ASXL3: variants seen among roughly 807,000 people sequenced by gnomAD.
ASXL3 encodes ASXL transcriptional regulator 3, also known as putative Polycomb group protein ASXL3.
A neutral mutation model predicts 170.6 loss-of-function variants in ASXL3; 34 were observed. That is an observed-to-expected ratio of 0.20 (90% CI 0.15 to 0.27). The LOEUF (loss-of-function observed/expected upper bound fraction) is 0.27. Ranked by LOEUF, ASXL3 falls within the 10% of genes least tolerant of loss-of-function variation. The probability of loss-of-function intolerance (pLI) is 1.00; values close to 1 mark genes in which losing one functional copy is unlikely to be tolerated. For synonymous variants in ASXL3, 1,002 were observed against 989.1 expected, an observed-to-expected ratio of 1.01 and a Z score of -0.24; for missense variants, 2,592 against 2,695.3, an observed-to-expected ratio of 0.96 and a Z score of 0.85.
At chr18:33,723,422 G>A (rs946407046) in intron 8 of ASXL3, among the ~76,000 whole-genome samples, 1 of 152,186 alleles carries the variant, frequency 6.6e-6, no homozygotes, top group Admixed American at 6.5e-5. Flanking sequence ...AGGAGTTCAA[G>A]ACTTCAGTGG....
At chr18:33,741,809 C>CTACTT (rs1411500328) in intron 11 of ASXL3, among the ~76,000 whole-genome samples, 2 of 152,200 alleles carry the variant, frequency 1.3e-5, no homozygotes, top group South Asian at 2.1e-4. Flanking sequence ...CCAAGGCAAA[C>CTACTT]TACTTTACCT....
At position 33,590,111 on chromosome 18, in the gene ASXL3, G is replaced by GTTTTTTTTTTTTTTTTTTTTTTTTT. The variant is rs567969303; in HGVS notation, c.54+11445_54+11446insTTTTTTTTTTTTTTTTTTTTTTTTT. 7.9e-4 allele frequency among the ~76,000 whole-genome samples: 66 copies of GTTTTTTTTTTTTTTTTTTTTTTTTT among 83,170 alleles called. 2 individuals carry two copies. The highest frequency in any genetic ancestry group is 2.8e-3 in the African/African-American group (40 of 14,544). The allele number at this position is 83,170 out of a possible 152,430, so 54.6% of individuals were successfully genotyped here. A position where few individuals can be genotyped will look rare whatever the true frequency, so the allele number is the denominator to read the frequency against. On this transcript the variant is annotated intron_variant, in intron 1 of 11. Coordinates refer to ENST00000269197, the MANE Select transcript of ASXL3 (RefSeq NM_030632.3). ...TGTCGTCAAGGTATTTGCTTTCTATGTTTTTTTTTTTTTTTTTTTGCTTTG... is the reference window on the plus strand; with the variant it reads ...TGTCGTCAAGGTATTTGCTTTCTATGTTTTTTTTTTTTTTTTTTTTTTTTTTTTTTTTTTTTTTTTTTTTGCTTTG...
chr18:33,702,444 C>T (rs1375161084), intron 8 of ASXL3, among the ~76,000 whole-genome samples: 1 of 152,140 alleles, frequency 6.6e-6, no homozygotes, highest in African/African-American at 2.4e-5. Flanking sequence ...AAGCTACTTT[C>T]TCTGCAGCAT....
At chr18:33,634,512 G>A (rs2065736401) in intron 2 of ASXL3, among the ~76,000 whole-genome samples, 1 of 151,926 alleles carries the variant, frequency 6.6e-6, no homozygotes, top group South Asian at 2.1e-4. Context: ...GAACATTTAA[G>A]TTATTTACAA....
intron 1 of ASXL3, among the ~76,000 whole-genome samples, chr18:33,586,258 C>T (rs1422089238): frequency 6.6e-6 from 1 of 152,026 alleles, no homozygotes; most frequent in African/African-American, 2.4e-5. Context: ...TTACATACAT[C>T]AAATCCTTGT....
chr18:33,740,274 G>C lies in ASXL3; in HGVS notation c.2870G>C (p.Arg957Thr). 1.2e-6 allele frequency: 2 copies of C among 1,612,864 alleles called. No homozygotes were observed. The highest frequency in any genetic ancestry group is 1.7e-6 in the Non-Finnish European group (2 of 1,179,334). Residue 957 changes from arginine (R) to threonine (T), a missense_variant, in exon 11 of 12, where the codon AGA (arginine) becomes ACA (threonine). Coordinates refer to ENST00000269197, the MANE Select transcript of ASXL3 (RefSeq NM_030632.3). The part of the protein sequence containing the change: ...KSPDGIRNES[R>T]DSEISKRKTA... ...CCTGATGGGATAAGAAATGAAAGTA[G>C]AGATTCAGAGATATCAAAGAGAAAA...
At chr18:33,583,874 G>A (rs908845639) in intron 1 of ASXL3, among the ~76,000 whole-genome samples, 2 of 152,036 alleles carry the variant, frequency 1.3e-5, no homozygotes, top group African/African-American at 4.8e-5. Flanking sequence ...GTGAAATATG[G>A]CCCCTAAACA....
chr18:33,645,460 G>A (rs760682705), intron 3 of ASXL3, among the ~76,000 whole-genome samples: 3 of 151,858 alleles, frequency 2.0e-5, no homozygotes, highest in East Asian at 1.9e-4. Flanking sequence ...AAAACAAATC[G>A]TGATCTCAAG....
At chr18:33,586,043 C>A (rs1303642595) in intron 1 of ASXL3, among the ~76,000 whole-genome samples, 1 of 152,098 alleles carries the variant, frequency 6.6e-6, no homozygotes, top group African/African-American at 2.4e-5. Flanking sequence ...ATGGACCATT[C>A]TTTATTCAGA....
chr18:33,678,731 G>A (rs1330841347), intron 7 of ASXL3, among the ~76,000 whole-genome samples: 5 of 152,144 alleles, frequency 3.3e-5, no homozygotes, highest in Non-Finnish European at 7.3e-5. Flanking sequence ...ACTATAGGGA[G>A]ATATGAGGTA....
intron 2 of ASXL3, among the ~76,000 whole-genome samples, chr18:33,629,182 A>G (rs2065642504): frequency 6.6e-6 from 1 of 152,156 alleles, no homozygotes; most frequent in Admixed American, 6.6e-5. Flanking sequence ...TCAACTCCTG[A>G]AGTAACATTT....
chr18:33,643,698 A>G (rs1376164596), intron 2 of ASXL3, among the ~76,000 whole-genome samples: 1 of 151,876 alleles, frequency 6.6e-6, no homozygotes, highest in African/African-American at 2.4e-5. Context: ...TATAAGTAAG[A>G]GATTTGATAG....
intron 8 of ASXL3, among the ~76,000 whole-genome samples, chr18:33,720,531 C>T (rs1045556965): frequency 1.3e-5 from 2 of 152,066 alleles, no homozygotes; most frequent in East Asian, 3.9e-4. Flanking sequence ...AATTATAAAA[C>T]GTTGTCTTTT....
chr18:33,704,175 T>C (rs1204820831), intron 8 of ASXL3, among the ~76,000 whole-genome samples: 2 of 152,148 alleles, frequency 1.3e-5, no homozygotes, highest in South Asian at 2.1e-4. Context: ...AAATTCATAT[T>C]AACGTCTTAT....
In ASXL3 at chr18:33,746,688, T is replaced by C; in HGVS notation, c.*93T>C. 1 of 1,474,108 alleles carries C rather than the reference T, an allele frequency of 6.8e-7. No homozygotes were observed. The highest frequency in any genetic ancestry group is 1.5e-5 in the South Asian group (1 of 66,548). 91.3% of individuals were successfully genotyped at this position (1,474,108 alleles called of 1,614,324 possible). A position where few individuals can be genotyped will look rare whatever the true frequency, so the allele number is the denominator to read the frequency against. The stretch of plus-strand genomic sequence containing the variant: ...TAGAATAATGCAGTGGTTTCTATCA[T>C]GCTAATTTATTTTGCTTTGGAGCAG... On this transcript the variant is annotated 3_prime_UTR_variant, in exon 12 of 12. Coordinates refer to ENST00000269197, the MANE Select transcript of ASXL3 (RefSeq NM_030632.3).
chr18:33,737,312 A>T (rs1235941963), intron 10 of ASXL3, among the ~76,000 whole-genome samples: 1 of 152,160 alleles, frequency 6.6e-6, no homozygotes, highest in African/African-American at 2.4e-5. Flanking sequence ...AGTGGTTTTC[A>T]CTGAGGTATT....
intron 5 of ASXL3, among the ~76,000 whole-genome samples, chr18:33,665,322 G>A (rs779746806): frequency 2.3e-4 from 35 of 152,018 alleles, no homozygotes; most frequent in Non-Finnish European, 4.0e-4. Flanking sequence ...ATCTATTCTT[G>A]GTATTTTGCT....
chr18:33,689,603 T>C (rs2066655527), intron 8 of ASXL3, among the ~76,000 whole-genome samples: 1 of 152,202 alleles, frequency 6.6e-6, no homozygotes, highest in Admixed American at 6.5e-5. Flanking sequence ...CCTACTCAGA[T>C]TCAGATTATG....
chr18:33,601,380 T>A (rs2065181127), intron 1 of ASXL3, among the ~76,000 whole-genome samples: 2 of 152,070 alleles, frequency 1.3e-5, no homozygotes. Flanking sequence ...TCTCATTTAG[T>A]CCTCACAATA....
Sources: gnomAD v4.1 joint callset for allele counts (sites outside exome capture counted in the v4.1 genomes callset) on GRCh38, gnomAD v4.1.1 for gene constraint, MANE v1.5 for transcripts, NCBI Gene and HGNC (gene_info 2026-07-23, HGNC 2026-07-21) for gene names.